The following CNTN5 variants were observed in gnomAD, a reference collection of about 807,000 sequenced individuals.
The protein encoded by CNTN5 is contactin-5.
A neutral mutation model predicts 129.1 loss-of-function variants in CNTN5; 77 were observed. That is an observed-to-expected ratio of 0.60 (90% CI 0.50 to 0.72). CNTN5 has a LOEUF of 0.72. CNTN5 is among the 30% of genes least tolerant of loss of function. The probability of loss-of-function intolerance (pLI) is 0.00; values close to 1 mark genes in which losing one functional copy is unlikely to be tolerated. For missense variants in CNTN5, 1,478 were observed against 1,328.8 expected, an observed-to-expected ratio of 1.11 and a Z score of -1.75; for synonymous variants, 509 against 465.6, an observed-to-expected ratio of 1.09 and a Z score of -1.20.
intron 2 of CNTN5, among the ~76,000 whole-genome samples, chr11:99,534,821 C>A (rs926890889): frequency 6.6e-6 from 1 of 151,934 alleles, no homozygotes; most frequent in African/African-American, 2.4e-5. Flanking sequence ...TTGGGATGGT[C>A]AGGGAGAACT....
intron 1 of CNTN5, among the ~76,000 whole-genome samples, chr11:99,047,928 T>C (rs1864278150): frequency 6.6e-6 from 1 of 152,102 alleles, no homozygotes; most frequent in African/African-American, 2.4e-5. Context: ...TGTGCAGTTA[T>C]GTTAAATGTA....
intron 3 of CNTN5, among the ~76,000 whole-genome samples, chr11:99,794,180 C>CTT (rs34449350): frequency 3.5e-5 from 5 of 141,688 alleles, no homozygotes; most frequent in East Asian, 2.1e-4. Context: ...CCTTCTTTGT[C>CTT]TTTTTTTTTT....
intron 3 of CNTN5, among the ~76,000 whole-genome samples, chr11:99,789,000 A>T (rs1249535813): frequency 6.6e-6 from 1 of 151,818 alleles, no homozygotes; most frequent in African/African-American, 2.4e-5. Flanking sequence ...TTTTATTAAA[A>T]TTATATTGTA....
chr11:99,962,565 C>T (rs1950978442), intron 8 of CNTN5, among the ~76,000 whole-genome samples: 3 of 151,384 alleles, frequency 2.0e-5, no homozygotes, highest in Non-Finnish European at 4.4e-5. Context: ...CATTGTTGGA[C>T]ATTTGGGTTG....
At chr11:100,110,996 G>C (rs942456778) in intron 13 of CNTN5, among the ~76,000 whole-genome samples, 1 of 117,712 alleles carries the variant, frequency 8.5e-6, no homozygotes, top group African/African-American at 3.5e-5. Context: ...TTTTCTTGAA[G>C]TGTTAATGCA....
chr11:100,157,743 T>C (rs1226320776), intron 13 of CNTN5, among the ~76,000 whole-genome samples: 3 of 151,746 alleles, frequency 2.0e-5, no homozygotes, highest in Non-Finnish European at 2.9e-5. Context: ...CTGACACCAA[T>C]TGGCTTGCAA....
chr11:99,442,534 G>A (rs1943878651), intron 2 of CNTN5, among the ~76,000 whole-genome samples: 1 of 152,180 alleles, frequency 6.6e-6, no homozygotes, highest in South Asian at 2.1e-4. Context: ...GGAAATTATG[G>A]GGACAGAGCT....
intron 21 of CNTN5, chr11:100,337,011 G>C: frequency 1.2e-6 from 1 of 842,184 alleles, no homozygotes; most frequent in Non-Finnish European, 2.1e-6. Context: ...ACACATCTCA[G>C]CTGCTTTCTG....
In CNTN5 at chr11:99,951,972, C is replaced by T. The variant is rs138155338; in HGVS notation, c.674-4834C>T. ...ACCAAATATTTATGGAGCAACTACA[C>T]ACCAAGTATCTTGTTGAGTTTTAAA... On this transcript the variant is annotated intron_variant, in intron 7 of 24. Transcript: ENST00000524871. Among the ~76,000 whole-genome samples the T allele has an allele frequency of 1.5e-3, 221 of 152,290 alleles. 1 individual carries two copies. The highest frequency in any genetic ancestry group is 0.01 in the Middle Eastern group (3 of 294).
At chr11:99,856,421 C>G (rs1948036261) in intron 6 of CNTN5, among the ~76,000 whole-genome samples, 1 of 152,174 alleles carries the variant, frequency 6.6e-6, no homozygotes, top group East Asian at 1.9e-4. Flanking sequence ...AGACAGTGGA[C>G]TTTCAATCTA....
intron 3 of CNTN5, among the ~76,000 whole-genome samples, chr11:99,806,866 C>A (rs1946288571): frequency 9.4e-6 from 1 of 106,218 alleles, no homozygotes; most frequent in African/African-American, 3.8e-5. Flanking sequence ...ATAAATAAAT[C>A]AATCATAAAA....
intron 6 of CNTN5, among the ~76,000 whole-genome samples, chr11:99,857,928 G>C (rs370902280): frequency 1.3e-5 from 2 of 151,994 alleles, no homozygotes; most frequent in Non-Finnish European, 2.9e-5. Flanking sequence ...ATCAAACCAA[G>C]CAACAAAACG....
intron 1 of CNTN5, among the ~76,000 whole-genome samples, chr11:99,050,648 G>A (rs1173506017): frequency 4.6e-5 from 7 of 151,596 alleles, no homozygotes; most frequent in African/African-American, 7.2e-5. Flanking sequence ...AATGGTAACC[G>A]AATATATTTC....
At chr11:100,311,826 A>G (rs2138932494) in intron 21 of CNTN5, among the ~76,000 whole-genome samples, 1 of 152,184 alleles carries the variant, frequency 6.6e-6, no homozygotes, top group Non-Finnish European at 1.5e-5. Context: ...TGAAGGCTTA[A>G]CTGGAGGTTA....
At chr11:100,350,897 T>C (rs767827023) in intron 24 of CNTN5, 27 bp downstream of exon 24, 1 of 1,515,336 alleles carries the variant, frequency 6.6e-7, no homozygotes, top group East Asian at 2.3e-5. Context: ...TAGATTTAAT[T>C]TGCTGACAAC....
chr11:100,306,841 T>TA (rs1951360842), intron 20 of CNTN5, among the ~76,000 whole-genome samples: 2 of 151,624 alleles, frequency 1.3e-5, no homozygotes, highest in South Asian at 2.1e-4. Flanking sequence ...AAGAAAATAA[T>TA]AAAAAATATT....
At chr11:99,475,430 A>G (rs1232676946) in intron 2 of CNTN5, among the ~76,000 whole-genome samples, 1 of 152,186 alleles carries the variant, frequency 6.6e-6, no homozygotes, top group African/African-American at 2.4e-5. Flanking sequence ...TGAAATAGGA[A>G]AACTACCAAC....
chr11:99,173,947 C>G (rs952593228), intron 1 of CNTN5, among the ~76,000 whole-genome samples: 1 of 152,004 alleles, frequency 6.6e-6, no homozygotes, highest in Non-Finnish European at 1.5e-5. Context: ...ATCTATAGAA[C>G]TCAGTATTTT....
chr11:99,415,497 A>G (rs542431774), intron 2 of CNTN5, among the ~76,000 whole-genome samples: 1 of 152,220 alleles, frequency 6.6e-6, no homozygotes, highest in African/African-American at 2.4e-5. Flanking sequence ...CAGAAAATTT[A>G]TTTATGGCCA....
Sources: allele counts gnomAD v4.1 joint callset (sites outside exome capture counted in the v4.1 genomes callset), GRCh38; gene constraint gnomAD v4.1.1; transcripts MANE v1.5; gene names NCBI Gene and HGNC (gene_info 2026-07-23, HGNC 2026-07-21).